PTPRD: variants seen among roughly 807,000 people sequenced by gnomAD.
The protein encoded by PTPRD is protein tyrosine phosphatase receptor type D.
A neutral mutation model predicts 214.5 loss-of-function variants in PTPRD; 34 were observed. The ratio of observed to expected loss-of-function variants is 0.16; its 90% confidence interval spans 0.12 to 0.21. The LOEUF (loss-of-function observed/expected upper bound fraction) is 0.21, where lower values mean the gene tolerates loss of function less well. PTPRD is among the 10% of genes least tolerant of loss of function. The probability of loss-of-function intolerance (pLI) is 1.00; values close to 1 mark genes in which losing one functional copy is unlikely to be tolerated. For missense variants in PTPRD, 2,545 were observed against 2,398.7 expected (o/e 1.06, Z -1.27); for synonymous variants, 1,128 against 845.7 (o/e 1.33, Z -5.79).
chr9:8,788,253 A>ATTTT (rs776984034), intron 11 of PTPRD, among the ~76,000 whole-genome samples: 134 of 85,226 alleles, frequency 1.6e-3, no homozygotes, highest in Non-Finnish European at 1.8e-3. Flanking sequence ...ATATAAGATG[A>ATTTT]TTTTTTTTTT....
chr9:9,466,777 G>T (rs182911643), intron 8 of PTPRD, among the ~76,000 whole-genome samples: 2 of 151,946 alleles, frequency 1.3e-5, no homozygotes, highest in Non-Finnish European at 2.9e-5. Context: ...GTTAATCTGT[G>T]CAAAATGCCT....
At chr9:9,018,327 C>T (rs2099545011) in intron 11 of PTPRD, among the ~76,000 whole-genome samples, 1 of 152,122 alleles carries the variant, frequency 6.6e-6, no homozygotes, top group African/African-American at 2.4e-5. Flanking sequence ...AGAGGTCACA[C>T]TAAGACAATT....
intron 9 of PTPRD, among the ~76,000 whole-genome samples, chr9:9,183,971 C>A (rs1449199918): frequency 6.6e-6 from 1 of 152,062 alleles, no homozygotes; most frequent in Non-Finnish European, 1.5e-5. Context: ...GTCTTAATTT[C>A]TCAACAGAAT....
chr9:8,593,256 G>A (rs2094247285), intron 14 of PTPRD, among the ~76,000 whole-genome samples: 1 of 152,114 alleles, frequency 6.6e-6, no homozygotes, highest in Non-Finnish European at 1.5e-5. Context: ...TGCTAAGGAT[G>A]GTTAAGATGG....
chr9:10,438,014 T>TATA (rs1174344193), intron 2 of PTPRD, among the ~76,000 whole-genome samples: 1 of 139,556 alleles, frequency 7.2e-6, no homozygotes, highest in East Asian at 2.0e-4. Context: ...TCTACATATA[T>TATA]ATATATATAT....
Position 8,911,420 on chromosome 9 carries a change from TGTGTGTGTGTGTGTGTGTGTGA to T in PTPRD, c.-104+107255_-104+107276del, listed in dbSNP as rs2098747455. Among the ~76,000 whole-genome samples the T allele has an allele frequency of 2.0e-5, 3 of 150,020 alleles. 1 individual carries two copies. The highest frequency in any genetic ancestry group is 7.5e-5 in the African/African-American group (3 of 39,970). ...TGTCTGTGTGTGTGTGTGTGTTGTG[TGTGTGTGTGTGTGTGTGTGTGA>T]GAGAGAGAGAGAGACAAAGAGAGAA... On this transcript the variant is annotated intron_variant, in intron 11 of 45. Coordinates refer to ENST00000381196, the MANE Select transcript of PTPRD (RefSeq NM_002839.4).
chr9:10,533,810 G>A (rs868243792), intron 2 of PTPRD, among the ~76,000 whole-genome samples: 1 of 151,814 alleles, frequency 6.6e-6, no homozygotes, highest in Admixed American at 6.6e-5. Context: ...CATATTTCAT[G>A]CATACTTTCA....
chr9:8,941,445 T>A (rs1379540039), intron 11 of PTPRD, among the ~76,000 whole-genome samples: 1 of 152,146 alleles, frequency 6.6e-6, no homozygotes, highest in Non-Finnish European at 1.5e-5. Flanking sequence ...TTTAAAAATA[T>A]TTCTCAGAAA....
At chr9:10,001,173 T>C (rs10978157) in intron 4 of PTPRD, among the ~76,000 whole-genome samples, 76,776 of 151,866 alleles carry the variant, frequency 0.51, 22,984 homozygotes, top group Middle Eastern at 0.67. Context: ...CCAATGACCC[T>C]GGTGTTCCTC....
intron 9 of PTPRD, among the ~76,000 whole-genome samples, chr9:9,319,453 T>C (rs1361220923): frequency 6.6e-6 from 1 of 152,200 alleles, no homozygotes; most frequent in Non-Finnish European, 1.5e-5. Context: ...AACACACAGA[T>C]GTGGAGAACA....
chr9:9,421,950 C>T (rs1309775802), intron 8 of PTPRD, among the ~76,000 whole-genome samples: 1 of 149,638 alleles, frequency 6.7e-6, no homozygotes, highest in Non-Finnish European at 1.5e-5. Context: ...AAACAAACAA[C>T]AATAACACAA....
chr9:9,515,392 T>C (rs1054710941), intron 8 of PTPRD, among the ~76,000 whole-genome samples: 3 of 152,140 alleles, frequency 2.0e-5, no homozygotes, highest in African/African-American at 7.2e-5. Context: ...GGGGGCACTA[T>C]TCCCAATGCA....
intron 4 of PTPRD, among the ~76,000 whole-genome samples, chr9:10,027,289 G>A (rs539686204): frequency 6.6e-6 from 1 of 152,252 alleles, no homozygotes; most frequent in South Asian, 2.1e-4. Context: ...TCATCATGTT[G>A]TTAAAAATAG....
At chr9:8,526,084 A>T (rs764411504) in intron 17 of PTPRD, among the ~76,000 whole-genome samples, 6 of 152,132 alleles carry the variant, frequency 3.9e-5, no homozygotes, top group Non-Finnish European at 7.4e-5. Context: ...GAGAAAAAAG[A>T]ATTGAAGAAC....
chr9:8,899,548 G>C (rs73640963), intron 11 of PTPRD, among the ~76,000 whole-genome samples: 2 of 152,280 alleles, frequency 1.3e-5, no homozygotes, highest in Non-Finnish European at 2.9e-5. Context: ...GCACTAAACA[G>C]ATTGTTTCCA....
chr9:8,446,408 T>A (rs921550478), intron 34 of PTPRD, among the ~76,000 whole-genome samples: 3 of 152,220 alleles, frequency 2.0e-5, no homozygotes, highest in African/African-American at 7.2e-5. Flanking sequence ...ATCACTGAAC[T>A]AAGCAATGTG....
At chr9:8,944,781 T>C (rs1169937588) in intron 11 of PTPRD, among the ~76,000 whole-genome samples, 1 of 151,750 alleles carries the variant, frequency 6.6e-6, no homozygotes, top group African/African-American at 2.4e-5. Context: ...TAAGGATGAT[T>C]AATGGGTACA....
intron 44 of PTPRD, among the ~76,000 whole-genome samples, chr9:8,330,888 C>CCTAAAATATATTAGT (rs1268781815): frequency 6.7e-6 from 1 of 149,852 alleles, no homozygotes; most frequent in African/African-American, 2.5e-5. Context: ...TTGCCAGAAC[C>CCTAAAATATATTAGT]CTAAAATATA....
chr9:8,740,188 G>C (rs566389150), intron 11 of PTPRD, among the ~76,000 whole-genome samples: 1 of 152,148 alleles, frequency 6.6e-6, no homozygotes, highest in African/African-American at 2.4e-5. Context: ...AGAATGCAAA[G>C]GGAAGATCAA....
Sources: gnomAD v4.1 joint callset for allele counts (sites outside exome capture counted in the v4.1 genomes callset) on GRCh38, gnomAD v4.1.1 for gene constraint, MANE v1.5 for transcripts, NCBI Gene and HGNC (gene_info 2026-07-23, HGNC 2026-07-21) for gene names.